ERICH1: variants seen among roughly 807,000 people sequenced by gnomAD.
ERICH1 encodes the protein glutamate rich 1.
ERICH1 carries 56 observed loss-of-function variants against 39.6 expected under a neutral mutation model. The ratio of observed to expected loss-of-function variants is 1.41; its 90% CI spans 1.14 to 1.77. The LOEUF (loss-of-function observed/expected upper bound fraction) is 1.77. Ranked by LOEUF, ERICH1 falls within the 40% of genes most tolerant of loss-of-function variation. The pLI is 0.00. For missense variants in ERICH1, 826 were observed against 575.4 expected (o/e 1.44, Z -4.45); for synonymous variants, 313 against 223.6 (o/e 1.40, Z -3.57).
At chr8:640,036 G>T (rs1014691237) in intron 3 of ERICH1, among the ~76,000 whole-genome samples, 4 of 152,322 alleles carry the variant, frequency 2.6e-5, no homozygotes, top group African/African-American at 9.6e-5. Context: ...CCCAAGCCCT[G>T]ATGGGGAGTG....
intron 3 of ERICH1, among the ~76,000 whole-genome samples, chr8:621,319 C>T (rs12545282): frequency 0.27 from 41,354 of 151,910 alleles, 6,070 homozygotes; most frequent in Middle Eastern, 0.39. Flanking sequence ...TTAAAAAAGA[C>T]ACTCTCAAAT....
intron 2 of ERICH1, among the ~76,000 whole-genome samples, chr8:701,725 C>G (rs1313778379): frequency 6.6e-6 from 1 of 152,146 alleles, no homozygotes; most frequent in African/African-American, 2.4e-5. Flanking sequence ...AAACAAAACA[C>G]AAAAACTATG....
intron 2 of ERICH1, among the ~76,000 whole-genome samples, chr8:699,231 G>A (rs1428952436): frequency 1.3e-5 from 2 of 152,090 alleles, no homozygotes; most frequent in South Asian, 2.1e-4. Flanking sequence ...GTTATCATCA[G>A]GAACGAAAGA....
intron 2 of ERICH1, among the ~76,000 whole-genome samples, chr8:713,074 C>A (rs1815128605): frequency 6.6e-6 from 1 of 152,208 alleles, no homozygotes; most frequent in South Asian, 2.1e-4. Context: ...CTTGCAGACG[C>A]CGTTCTCTCT....
chr8:662,135 T>C (rs1801509659), downstream of ERICH1, among the ~76,000 whole-genome samples: 2 of 150,428 alleles, frequency 1.3e-5, no homozygotes, highest in African/African-American at 4.9e-5. Flanking sequence ...AATGGCCACA[T>C]GTGAACCACC....
intron 2 of ERICH1, among the ~76,000 whole-genome samples, chr8:695,174 C>T (rs950171804): frequency 3.3e-5 from 5 of 152,062 alleles, no homozygotes; most frequent in African/African-American, 1.2e-4. Context: ...CAGCCGACAG[C>T]TATGGAGGGG....
rs1332169636 is a variant in ERICH1, at chr8:647,361, T to A, written c.976+21237A>T. Reference sequence around the variant, plus strand: ...TAAAATCCAGAATTAGGCAAAGAGTTTGCCATGGTGCACTGGCATGAGTTT... The same window carrying A: ...TAAAATCCAGAATTAGGCAAAGAGTATGCCATGGTGCACTGGCATGAGTTT... On this transcript the variant is annotated intron_variant, in intron 3 of 3. Coordinates refer to the ERICH1 transcript ENST00000522706. 7.4e-5 allele frequency among the ~76,000 whole-genome samples: 5 copies of A among 67,470 alleles called. 2 individuals are homozygous for A. The highest frequency in any genetic ancestry group is 2.5e-4 in the Admixed American group (2 of 8,036). 44.3% of individuals were successfully genotyped at this position (67,470 alleles called of 152,430 possible). A position where few individuals can be genotyped will look rare whatever the true frequency, so the allele number is the denominator to read the frequency against.
At chr8:702,449 A>T (rs1314397005) in intron 2 of ERICH1, among the ~76,000 whole-genome samples, 2 of 152,176 alleles carry the variant, frequency 1.3e-5, no homozygotes. Context: ...ACCCCAGGGA[A>T]ACTCCCTGAG....
intron 3 of ERICH1, among the ~76,000 whole-genome samples, chr8:630,776 G>A (rs71514174): frequency 0.2 from 6,755 of 34,268 alleles, 111 homozygotes; most frequent in Middle Eastern, 0.32. Flanking sequence ...GCACCCACAC[G>A]GACAGAGCTG....
At position 664,395 on chromosome 8, in the gene ERICH1, A is replaced by G. The variant is rs890275238; in HGVS notation, c.*208T>C. The stretch of plus-strand genomic sequence containing the variant: ...TATGTAGTAATTCAAGATATATATA[A>G]TTGCAAATAAGTGAAAAATTTCCAT... On this transcript the variant is annotated 3_prime_UTR_variant, in exon 6 of 6. Transcript: ENST00000262109. 6.5e-6 allele frequency: 8 copies of G among 1,228,538 alleles called. No homozygotes were observed. The African/African-American group carries it at 1.2e-4, about 19-fold the overall frequency. The allele number at this position is 1,228,538 out of a possible 1,614,324, so 76.1% of individuals were successfully genotyped here.
intron 1 of ERICH1, among the ~76,000 whole-genome samples, chr8:720,354 G>A (rs1427498032): frequency 6.6e-6 from 1 of 152,214 alleles, no homozygotes; most frequent in Non-Finnish European, 1.5e-5. Flanking sequence ...GGACGAGGAC[G>A]CATGCTGGCA....
Position 731,177 on chromosome 8 carries a change from G to C in ERICH1, c.-16C>G, listed in dbSNP as rs764620302. ...GCGCCGCCATGCGGGACCCTGCCGC[G>C]GACCTCAGACCACGGCGCGCGGTCC... On this transcript the variant is annotated 5_prime_UTR_variant, in exon 1 of 6. Coordinates refer to ENST00000262109, the MANE Select transcript of ERICH1 (RefSeq NM_207332.3). The C allele has an allele frequency of 2.7e-6, 4 of 1,503,408 alleles. No individual in the cohort carries two copies. Among genetic ancestry groups the C allele is most frequent in the Admixed American group, 2.1e-5 (1 of 47,860 alleles). 93.1% of individuals were successfully genotyped at this position (1,503,408 alleles called of 1,614,324 possible).
chr8:697,725 C>G (rs1451542850), intron 2 of ERICH1, among the ~76,000 whole-genome samples: 2 of 152,030 alleles, frequency 1.3e-5, no homozygotes, highest in Admixed American at 6.5e-5. Context: ...ACACAGGCGC[C>G]CCTCTCAAGA....
chr8:689,830 C>G (rs1808506530), intron 3 of ERICH1, among the ~76,000 whole-genome samples: 1 of 152,156 alleles, frequency 6.6e-6, no homozygotes, highest in Non-Finnish European at 1.5e-5. Context: ...CCCAGCTGCC[C>G]AGAGGAATGT....
At chr8:631,112 C>A (rs1337080626) in intron 3 of ERICH1, among the ~76,000 whole-genome samples, 1 of 152,260 alleles carries the variant, frequency 6.6e-6, no homozygotes, top group Non-Finnish European at 1.5e-5. Context: ...CTGACTCACA[C>A]CCTCCTATGA....
chr8:720,759 T>C (rs1817130064), intron 1 of ERICH1, among the ~76,000 whole-genome samples: 1 of 152,166 alleles, frequency 6.6e-6, no homozygotes, highest in African/African-American at 2.4e-5. Flanking sequence ...TGAATCCCTA[T>C]GGCTGAAGGG....
chr8:727,408 G>A (rs1819024343), intron 1 of ERICH1, among the ~76,000 whole-genome samples: 1 of 152,220 alleles, frequency 6.6e-6, no homozygotes, highest in Admixed American at 6.5e-5. Flanking sequence ...AGGTGCAGGA[G>A]AAACCAGAAG....
Position 658,913 on chromosome 8 carries a change from G to A in ERICH1, c.976+9685C>T, listed in dbSNP as rs138861789. On this transcript the variant is annotated intron_variant, in intron 3 of 3. Transcript: ENST00000522706. ...TCTGCCTTTCCTTCACTTGCTCTGC[G>A]ACCCAGGGGCCCTTACCAGGCTCTG... 3.7e-3 allele frequency among the ~76,000 whole-genome samples: 556 copies of A among 152,220 alleles called. 5 individuals carry two copies. Among genetic ancestry groups the A allele is most frequent in the African/African-American group, 7.5e-3 (313 of 41,532 alleles).
At chr8:663,752 C>A (rs1470662836), downstream of ERICH1, among the ~76,000 whole-genome samples, 1 of 151,742 alleles carries the variant, frequency 6.6e-6, no homozygotes, top group Non-Finnish European at 1.5e-5. Context: ...TACCAATTGA[C>A]TGATGGTTTT....
Sources: allele counts gnomAD v4.1 joint callset (sites outside exome capture counted in the v4.1 genomes callset), GRCh38; gene constraint gnomAD v4.1.1; transcripts MANE v1.5; gene names NCBI Gene and HGNC (gene_info 2026-07-23, HGNC 2026-07-21).